The following MMP2 variants were observed in gnomAD, a reference collection of about 807,000 sequenced individuals.
MMP2 encodes the protein matrix metallopeptidase 2, also known as 72 kDa type IV collagenase.
A neutral mutation model predicts 74.8 loss-of-function variants in MMP2; 39 were observed. The ratio of observed to expected loss-of-function variants is 0.52; its 90% confidence interval spans 0.40 to 0.68. MMP2 has a LOEUF of 0.68. Ranked by LOEUF, MMP2 falls within the 30% of genes least tolerant of loss-of-function variation. The pLI is 0.00. For missense variants in MMP2, 803 were observed against 878.3 expected (o/e 0.91, Z 1.08); for synonymous variants, 367 against 339.8 (o/e 1.08, Z -0.88).
rs1219148994 is a variant in MMP2 at position 55,496,918 on chromosome 16, C to A, written c.1473-8C>A. 1.2e-6 allele frequency: 2 copies of A among 1,613,876 alleles called. No individual in the cohort carries two copies. Among genetic ancestry groups the A allele is most frequent in the Non-Finnish European group, 1.7e-6 (2 of 1,180,038 alleles). On this transcript the variant is annotated splice_region_variant and splice_polypyrimidine_tract_variant and intron_variant, in intron 9 of 12. Transcript: ENST00000219070. ...TGTGGTTTCCTGTGCCCCCTTGCCTCCTGCCAGGTTCATTTGGCGGACTGT... is the reference window on the plus strand; with the variant it reads ...TGTGGTTTCCTGTGCCCCCTTGCCTACTGCCAGGTTCATTTGGCGGACTGT...
chr16:55,488,331 G>A lies in MMP2; in HGVS notation c.833-212G>A. The A allele has an allele frequency of 3.4e-6, 2 of 593,118 alleles. 1 individual carries two copies. The highest frequency in any genetic ancestry group is 3.9e-5 in the South Asian group (2 of 51,738). 36.7% of individuals were successfully genotyped at this position (593,118 alleles called of 1,614,324 possible). A position where few individuals can be genotyped will look rare whatever the true frequency, so the allele number is the denominator to read the frequency against. Reference sequence around the variant, plus strand: ...ATTTTGTTGTTGGGTGGTCCACAAGGTCCCACGGGAGGGATTGGGATAACC... The same window carrying A: ...ATTTTGTTGTTGGGTGGTCCACAAGATCCCACGGGAGGGATTGGGATAACC... On this transcript the variant is annotated intron_variant, in intron 5 of 12. Coordinates refer to ENST00000219070, the MANE Select transcript of MMP2 (RefSeq NM_004530.6).
chr16:55,496,840 T>C, intron 9 of MMP2, 86 bp from the exon 10 acceptor site: 1 of 1,562,632 alleles, frequency 6.4e-7, no homozygotes, highest in Non-Finnish European at 8.7e-7. Flanking sequence ...CTCTGGGATG[T>C]TTCTGGGTGG....
intron 1 of MMP2, chr16:55,481,808 A>G (rs1962110986): frequency 1.4e-6 from 1 of 737,958 alleles, no homozygotes; most frequent in Admixed American, 1.9e-5. Flanking sequence ...CAGTTTCTTC[A>G]TCTGCAAACT....
intron 12 of MMP2, among the ~76,000 whole-genome samples, chr16:55,503,899 T>C (rs1156785431): frequency 6.6e-6 from 1 of 152,172 alleles, no homozygotes; most frequent in East Asian, 1.9e-4. Context: ...ACACCTGTCA[T>C]CCCAGCACTC....
In MMP2 at chr16:55,479,333, T is replaced by G. The variant is rs1186958598; in HGVS notation, c.-147T>G. On this transcript the variant is annotated 5_prime_UTR_variant, in exon 1 of 13. An upstream open reading frame in the 5' UTR loses its in-frame stop. Coordinates refer to ENST00000219070, the MANE Select transcript of MMP2 (RefSeq NM_004530.6). ...GCGCGGGGGCCGGACCATGAGCCGCTGAGCCGGGCAAACCCCAGGCCACCG... is the reference window on the plus strand; with the variant it reads ...GCGCGGGGGCCGGACCATGAGCCGCGGAGCCGGGCAAACCCCAGGCCACCG... 1 of 983,534 alleles carries G rather than the reference T, an allele frequency of 1.0e-6. No individual in the cohort carries two copies. 60.9% of individuals were successfully genotyped at this position (983,534 alleles called of 1,614,324 possible). A position where few individuals can be genotyped will look rare whatever the true frequency, so the allele number is the denominator to read the frequency against.
chr16:55,502,288 A>G (rs1962686327), intron 11 of MMP2, among the ~76,000 whole-genome samples: 1 of 152,176 alleles, frequency 6.6e-6, no homozygotes, highest in East Asian at 1.9e-4. Flanking sequence ...CTGGGCTTCT[A>G]GTTTAGCACT....
rs375139254 is a variant in MMP2 at position 55,493,304 on chromosome 16, G to A, written c.1472+11G>A. 3.1e-6 allele frequency: 5 copies of A among 1,614,004 alleles called. No homozygotes were observed. The highest frequency in any genetic ancestry group is 4.2e-6 in the Non-Finnish European group (5 of 1,180,020). ...CTTCTTCAAGGACCGGTGAGTGCAG[G>A]AGCTTGCTTCTTGTCCTCCTTGTCT... On this transcript the variant is annotated intron_variant, in intron 9 of 12. Coordinates refer to ENST00000219070, the MANE Select transcript of MMP2 (RefSeq NM_004530.6).
intron 12 of MMP2, among the ~76,000 whole-genome samples, chr16:55,504,958 G>A (rs1962761229): frequency 8.6e-6 from 1 of 116,134 alleles, no homozygotes; most frequent in Non-Finnish European, 1.9e-5. Context: ...CGCCACAGTT[G>A]AGTTTTTTTT....
At chr16:55,497,557 T>C (rs1567380637) in intron 10 of MMP2, among the ~76,000 whole-genome samples, 1 of 152,222 alleles carries the variant, frequency 6.6e-6, no homozygotes, top group Non-Finnish European at 1.5e-5. Context: ...ATTTTGACAG[T>C]CAAAAAACAT....
Position 55,484,228 on chromosome 16 carries a change from T to G in MMP2, c.529+64T>G, listed in dbSNP as rs1596809220. On this transcript the variant is annotated intron_variant, in intron 3 of 12. Coordinates refer to ENST00000219070, the MANE Select transcript of MMP2 (RefSeq NM_004530.6). ...TCAGTGTTGAGACGAGGGGGTGAGA[T>G]GGACATTAGAGGGGCGTGGGGATCC... 3 of 1,570,550 alleles carry G rather than the reference T, an allele frequency of 1.9e-6. No individual in the cohort carries two copies. The East Asian group carries it at 6.9e-5, about 36-fold the overall frequency.
intron 9 of MMP2, among the ~76,000 whole-genome samples, chr16:55,495,833 A>C (rs776021006): frequency 2.6e-5 from 4 of 152,128 alleles, no homozygotes; most frequent in Non-Finnish European, 5.9e-5. Context: ...ACTTCATCCT[A>C]AGGCCGGTTC....
Position 55,485,306 on chromosome 16 carries a change from C to T in MMP2, c.537C>T (p.Gly179=), listed in dbSNP as rs151071926. Residue 179 remains glycine (G), a synonymous_variant, in exon 4 of 13, where the codon GGC becomes GGT. Coordinates refer to ENST00000219070, the MANE Select transcript of MMP2 (RefSeq NM_004530.6). The stretch of plus-strand genomic sequence containing the variant: ...ACCCAGTGTGTGTTTCAGAGCATGG[C>T]GATGGATACCCCTTTGACGGTAAGG... ...IMINFGRWEH[G]DGYPFDGKDG... 400 of 1,614,060 alleles carry T rather than the reference C, an allele frequency of 2.5e-4. No individual in the cohort carries two copies. Among genetic ancestry groups the T allele is most frequent in the South Asian group, 2.2e-3 (200 of 91,084 alleles).
intron 9 of MMP2, among the ~76,000 whole-genome samples, chr16:55,494,967 T>C (rs1447935032): frequency 6.6e-6 from 1 of 152,214 alleles, no homozygotes; most frequent in Admixed American, 6.5e-5. Flanking sequence ...GATTAGCCAG[T>C]GAGAATCTGG....
At position 55,479,466 on chromosome 16, in the gene MMP2, C is replaced by G. The variant is rs753595592; in HGVS notation, c.-14C>G. On this transcript the variant is annotated 5_prime_UTR_variant, in exon 1 of 13. Transcript: ENST00000219070. ...GCGACCCCCGGGCGACGCGCGGGGC[C>G]AGGGAGCGCTACGATGGAGGCGCTA... 6.5e-7 allele frequency: 1 copy of G among 1,535,386 alleles called. No individual in the cohort carries two copies. The highest frequency in any genetic ancestry group is 1.2e-5 in the South Asian group (1 of 82,740).
At chr16:55,482,137 A>G (rs1438138704) in intron 1 of MMP2, among the ~76,000 whole-genome samples, 2 of 152,210 alleles carry the variant, frequency 1.3e-5, no homozygotes, top group Admixed American at 1.3e-4. Flanking sequence ...CAGCAGTAGC[A>G]CTGGGCTTGG....
At position 55,497,548 on chromosome 16, in the gene MMP2, T is replaced by G. The variant is rs1322917285; in HGVS notation, c.1609+486T>G. On this transcript the variant is annotated intron_variant, in intron 10 of 12. Transcript: ENST00000219070. Reference sequence around the variant, plus strand: ...GAAACGGATTATTCAGTAACTGATATTTTGACAGTCAAAAAACATTTTTTA... The same window carrying G: ...GAAACGGATTATTCAGTAACTGATAGTTTGACAGTCAAAAAACATTTTTTA... 2.0e-5 allele frequency among the ~76,000 whole-genome samples: 3 copies of G among 152,252 alleles called. No individual in the cohort carries two copies. The East Asian group carries it at 5.8e-4, about 29-fold the overall frequency.
At chr16:55,487,027 AAATAT>A (rs1962276638) in intron 5 of MMP2, 1 of 152,236 alleles carries the variant, frequency 6.6e-6, no homozygotes, top group South Asian at 2.1e-4. Context: ...TTTGAAATAA[AAATAT>A]TTTTTGTATC....
At position 55,483,115 on chromosome 16, in the gene MMP2, C is replaced by T; in HGVS notation, c.360C>T (p.Asp120=). The T allele has an allele frequency of 6.2e-7, 1 of 1,613,988 alleles. No homozygotes were observed. The highest frequency in any genetic ancestry group is 8.5e-7 in the Non-Finnish European group (1 of 1,179,924). The stretch of plus-strand genomic sequence containing the variant: ...TCTTCCCTCGCAAGCCCAAGTGGGA[C>T]AAGAACCAGATCACATACAGGTGCC... ...YNFFPRKPKW[D]KNQITYRIIG... The change falls in exon 2 of 13, where the codon GAC becomes GAT. Residue 120 remains aspartate (D), a synonymous_variant. Coordinates refer to ENST00000219070, the MANE Select transcript of MMP2 (RefSeq NM_004530.6).
In MMP2 at chr16:55,484,133, G is replaced by A. The variant is rs1962179630; in HGVS notation, c.498G>A (p.Glu166=). 3.7e-6 allele frequency: 6 copies of A among 1,614,090 alleles called. No homozygotes were observed. Among genetic ancestry groups the A allele is most frequent in the Non-Finnish European group, 4.2e-6 (5 of 1,180,058 alleles). The change falls in exon 3 of 13, where the codon GAG becomes GAA. Residue 166 remains glutamate (E), a synonymous_variant. Coordinates refer to ENST00000219070, the MANE Select transcript of MMP2 (RefSeq NM_004530.6). The part of the protein sequence containing the change: ...PLRFSRIHDG[E]ADIMINFGRW... The stretch of plus-strand genomic sequence containing the variant: ...GGTTTTCTCGAATCCATGATGGAGA[G>A]GCAGACATCATGATCAACTTTGGCC...
Sources: allele counts gnomAD v4.1 joint callset (sites outside exome capture counted in the v4.1 genomes callset), GRCh38; gene constraint gnomAD v4.1.1; transcripts MANE v1.5; gene names NCBI Gene and HGNC (gene_info 2026-07-23, HGNC 2026-07-21).